EMC4: variants seen among roughly 807,000 people sequenced by gnomAD.
The protein encoded by EMC4 is ER membrane protein complex subunit 4.
In EMC4, 9 loss-of-function variants were observed where a neutral mutation model predicts 24.2. The ratio of observed to expected loss-of-function variants is 0.37; its 90% CI spans 0.22 to 0.65. The LOEUF (loss-of-function observed/expected upper bound fraction) is 0.65, where lower values mean the gene tolerates loss of function less well. EMC4 is among the 30% of genes least tolerant of loss of function. The pLI is 0.59. For missense variants in EMC4, 169 were observed against 234.6 expected (o/e 0.72, Z 1.83); for synonymous variants, 86 against 81.1 (o/e 1.06, Z -0.32).
At chr15:34,227,876 A>G (rs772939073) in intron 3 of EMC4, 30 bp downstream of exon 3, 34 of 1,605,308 alleles carry the variant, frequency 2.1e-5, no homozygotes, top group Non-Finnish European at 2.6e-5. Context: ...TAACCCTTCC[A>G]TAAGTTTGAA....
chr15:34,226,160 G>A (rs1595380608), intron 2 of EMC4: 1 of 218,514 alleles, frequency 4.6e-6, no homozygotes, highest in East Asian at 1.1e-4. Flanking sequence ...CCAAAGTGCT[G>A]GGATTGCAGG....
rs749486340 is a variant in EMC4, at chr15:34,229,943, G to A, written c.*155G>A. On this transcript the variant is annotated 3_prime_UTR_variant, in exon 5 of 5. Transcript: ENST00000267750. ...CATGGTGGGGTGACAGGTCCTAGAA[G>A]GACAATGTGCATATTACGACAAACA... is the stretch of plus-strand genomic sequence containing the variant. 1 of 712,808 alleles carries A rather than the reference G, an allele frequency of 1.4e-6. No homozygotes were observed. Among genetic ancestry groups the A allele is most frequent in the South Asian group, 1.6e-5 (1 of 64,152 alleles). 44.2% of individuals were successfully genotyped at this position (712,808 alleles called of 1,614,324 possible). A position where few individuals can be genotyped will look rare whatever the true frequency, so the allele number is the denominator to read the frequency against.
chr15:34,225,064 G>A lies in EMC4; in HGVS notation c.-51G>A. On this transcript the variant is annotated 5_prime_UTR_variant, in exon 1 of 5. Transcript: ENST00000267750. ...GGAGAACGCTGGTGGGCCTGTTGTGGAGTACGCTTTGGACTGAGAAGCATC... is the reference window on the plus strand; with the variant it reads ...GGAGAACGCTGGTGGGCCTGTTGTGAAGTACGCTTTGGACTGAGAAGCATC... 2 of 1,443,012 alleles carry A rather than the reference G, an allele frequency of 1.4e-6. No individual in the cohort carries two copies. The highest frequency in any genetic ancestry group is 1.9e-6 in the Non-Finnish European group (2 of 1,047,708). The allele number at this position is 1,443,012 out of a possible 1,614,324, so 89.4% of individuals were successfully genotyped here. A position where few individuals can be genotyped will look rare whatever the true frequency, so the allele number is the denominator to read the frequency against.
Position 34,230,019 on chromosome 15 carries a change from T to C in EMC4, c.*231T>C. 1.7e-6 allele frequency: 1 copy of C among 572,232 alleles called. No individual in the cohort carries two copies. Among genetic ancestry groups the C allele is most frequent in the Non-Finnish European group, 3.1e-6 (1 of 326,206 alleles). 35.4% of individuals were successfully genotyped at this position (572,232 alleles called of 1,614,324 possible). On this transcript the variant is annotated 3_prime_UTR_variant, in exon 5 of 5. Coordinates refer to ENST00000267750, the MANE Select transcript of EMC4 (RefSeq NM_016454.4). Reference sequence around the variant, plus strand: ...GCTGAAAATAATGTAGAAAACTTTATTTTTGTTTCCAGTACAGAGCAAAAC... The same window carrying C: ...GCTGAAAATAATGTAGAAAACTTTACTTTTGTTTCCAGTACAGAGCAAAAC...
Position 34,227,782 on chromosome 15 carries a change from C to T in EMC4, c.291C>T (p.Phe97=), listed in dbSNP as rs1335641214. 1.2e-6 allele frequency: 2 copies of T among 1,613,812 alleles called. No individual in the cohort carries two copies. The highest frequency in any genetic ancestry group is 8.5e-7 in the Non-Finnish European group (1 of 1,179,794). The change falls in exon 3 of 5, where the codon TTC becomes TTT. Residue 97 remains phenylalanine, a synonymous_variant. Transcript: ENST00000267750. The part of the protein sequence containing the change: ...MYMAGNTISI[F]PTMMVCMMAW... Reference sequence around the variant, plus strand: ...TGGCAGGCAATACTATCTCCATCTTCCCTACTATGATGGTGTGTATGATGG... The same window carrying T: ...TGGCAGGCAATACTATCTCCATCTTTCCTACTATGATGGTGTGTATGATGG...
chr15:34,226,743 C>T (rs1890658670), intron 2 of EMC4: 1 of 152,168 alleles, frequency 6.6e-6, no homozygotes, highest in Non-Finnish European at 1.5e-5. Context: ...GGGGTTTCAC[C>T]ACGTTGGCCA....
chr15:34,229,597 T>C lies in EMC4; in HGVS notation c.517-156T>C, dbSNP rs373283877. On this transcript the variant is annotated intron_variant, in intron 4 of 4. Transcript: ENST00000267750. ...ATCTGCCTGCCTTGGCCTCCCAAAG[T>C]GTTTAGCTAAGATTAGCTACTGCGC... 2.2e-4 allele frequency: 131 copies of C among 596,986 alleles called. 1 individual carries two copies. In the East Asian group the frequency reaches 2.3e-3, roughly 11 times the overall value. 37.0% of individuals were successfully genotyped at this position (596,986 alleles called of 1,614,324 possible).
chr15:34,228,324 G>A (rs1208592047), intron 3 of EMC4, 105 bp from the exon 4 acceptor site: 1 of 1,195,846 alleles, frequency 8.4e-7, no homozygotes, highest in Non-Finnish European at 1.2e-6. Context: ...GGTCCTATTT[G>A]CTGTCTTACT....
chr15:34,229,805 C>T lies in EMC4; in HGVS notation c.*17C>T, dbSNP rs1315123834. 8 of 1,612,354 alleles carry T rather than the reference C, an allele frequency of 5.0e-6. No individual in the cohort carries two copies. Among genetic ancestry groups the T allele is most frequent in the Non-Finnish European group, 5.9e-6 (7 of 1,178,638 alleles). On this transcript the variant is annotated 3_prime_UTR_variant, in exon 5 of 5. Coordinates refer to ENST00000267750, the MANE Select transcript of EMC4 (RefSeq NM_016454.4). ...CTTTTGTGAACATGAGAAAGCAGCG[C>T]CTGGTCCCTATGTATTTGGGTCTTA...
rs201628991 is a variant in EMC4 at position 34,229,910 on chromosome 15, C to G, written c.*122C>G. 4 of 847,588 alleles carry G rather than the reference C, an allele frequency of 4.7e-6. No individual in the cohort carries two copies. In the Admixed American group the frequency reaches 6.6e-5, roughly 14 times the overall value. The allele number at this position is 847,588 out of a possible 1,614,324, so 52.5% of individuals were successfully genotyped here. ...TTATGTTAAAAAGAACCAAAAGACTCTTTTCTCCATGGTGGGGTGACAGGT... is the reference window on the plus strand; with the variant it reads ...TTATGTTAAAAAGAACCAAAAGACTGTTTTCTCCATGGTGGGGTGACAGGT... On this transcript the variant is annotated 3_prime_UTR_variant, in exon 5 of 5. Transcript: ENST00000267750.
intron 2 of EMC4, chr15:34,226,334 C>T (rs148968490): frequency 0.029 from 4,497 of 154,924 alleles, 87 homozygotes; most frequent in Middle Eastern, 0.071. Context: ...CTGTGATGTT[C>T]ATTTTTTCAT....
At chr15:34,228,377 C>G (rs138615115) in intron 3 of EMC4, 52 bp from the exon 4 acceptor site, 1 of 1,583,246 alleles carries the variant, frequency 6.3e-7, no homozygotes, top group Non-Finnish European at 8.6e-7. Flanking sequence ...TGGCTTGATT[C>G]GTATTGGGGG....
At chr15:34,225,309 C>A in intron 1 of EMC4, 109 bp downstream of exon 1, 1 of 1,016,514 alleles carries the variant, frequency 9.8e-7, no homozygotes, top group Non-Finnish European at 1.4e-6. Flanking sequence ...GGCACACAGA[C>A]ATCACCTGGG....
chr15:34,227,031 CAT>C (rs1442093993), intron 2 of EMC4: 2 of 149,600 alleles, frequency 1.3e-5, no homozygotes, highest in South Asian at 4.3e-4. Context: ...AATTCCCAAA[CAT>C]AAGAGATTTT....
At chr15:34,226,397 A>G (rs952613684) in intron 2 of EMC4, 2 of 153,028 alleles carry the variant, frequency 1.3e-5, no homozygotes, top group African/African-American at 4.8e-5. Flanking sequence ...GCTCACCAGT[A>G]TTGATTTTTT....
intron 2 of EMC4, chr15:34,226,974 A>C (rs532368231): frequency 6.6e-6 from 1 of 152,376 alleles, no homozygotes; most frequent in Non-Finnish European, 1.5e-5. Context: ...TACTTTTGCT[A>C]TCATATAAAT....
chr15:34,230,014 CTT>C lies in EMC4; in HGVS notation c.*228_*229del. On this transcript the variant is annotated 3_prime_UTR_variant, in exon 5 of 5. Coordinates refer to ENST00000267750, the MANE Select transcript of EMC4 (RefSeq NM_016454.4). ...CCAAGGCTGAAAATAATGTAGAAAA[CTT>C]TATTTTTGTTTCCAGTACAGAGCAA... is the stretch of plus-strand genomic sequence containing the variant. The C allele has an allele frequency of 3.5e-6, 2 of 574,060 alleles. No homozygotes were observed. Among genetic ancestry groups the C allele is most frequent in the South Asian group, 2.3e-5 (1 of 43,648 alleles). The allele number at this position is 574,060 out of a possible 1,614,324, so 35.6% of individuals were successfully genotyped here.
At chr15:34,225,790 T>C (rs1416762919) in intron 2 of EMC4, 140 bp downstream of exon 2, 1 of 725,016 alleles carries the variant, frequency 1.4e-6, no homozygotes, top group Non-Finnish European at 2.5e-6. Context: ...GGTATTTCGG[T>C]ATTTTATATA....
At chr15:34,228,686 CTTTTTTT>C (rs71119951) in intron 4 of EMC4, 97 bp downstream of exon 4, 598 of 300,330 alleles carry the variant, frequency 2.0e-3, no homozygotes, top group Middle Eastern at 4.0e-3. Context: ...ATTTGAGTTT[CTTTTTTT>C]TTTTTTTTTT....
Sources: gnomAD v4.1 joint callset for allele counts on GRCh38, gnomAD v4.1.1 for gene constraint, MANE v1.5 for transcripts, NCBI Gene and HGNC (gene_info 2026-07-23, HGNC 2026-07-21) for gene names.